Variants in C2CD2 observed in about 807,000 individuals in gnomAD.
C2CD2 encodes the protein C2 domain-containing protein 2.
C2CD2 carries 43 observed loss-of-function variants against 74.3 expected under a neutral mutation model. The ratio of observed to expected loss-of-function variants is 0.58; its 90% CI spans 0.45 to 0.75. The LOEUF is 0.75. Among genes scored for constraint, C2CD2 ranks in the 30% least tolerant of loss-of-function variants. The pLI is 0.00. For synonymous variants in C2CD2, 422 were observed against 390.7 expected (o/e 1.08, Z -0.94); for missense variants, 801 against 916.3 (o/e 0.87, Z 1.63).
intron 2 of C2CD2, among the ~76,000 whole-genome samples, chr21:41,931,380 C>T (rs1202652037): frequency 6.7e-6 from 1 of 150,012 alleles, no homozygotes; most frequent in African/African-American, 2.4e-5. Context: ...GCTCTGAAAA[C>T]CCTTGGAATC....
At chr21:41,940,529 T>C (rs1224517005) in intron 2 of C2CD2, among the ~76,000 whole-genome samples, 1 of 152,140 alleles carries the variant, frequency 6.6e-6, no homozygotes, top group East Asian at 1.9e-4. Flanking sequence ...CATACCTAAC[T>C]TGATAATAAA....
chr21:41,908,032 G>A (rs762528217), intron 8 of C2CD2: 157 of 495,624 alleles, frequency 3.2e-4, no homozygotes, highest in African/African-American at 9.9e-4. Context: ...GCCCTGTGCC[G>A]GAGTGGAAAG....
At chr21:41,931,752 T>C (rs888445277) in intron 2 of C2CD2, among the ~76,000 whole-genome samples, 1 of 150,122 alleles carries the variant, frequency 6.7e-6, no homozygotes, top group East Asian at 2.0e-4. Flanking sequence ...AAAAGGGCTG[T>C]TGGGGGGGAC....
At chr21:41,937,671 G>T (rs1276449019) in intron 2 of C2CD2, among the ~76,000 whole-genome samples, 1 of 152,142 alleles carries the variant, frequency 6.6e-6, no homozygotes, top group African/African-American at 2.4e-5. Context: ...GATACCCAGA[G>T]CATTATTCAA....
chr21:41,911,482 C>A (rs2065025376), intron 7 of C2CD2, among the ~76,000 whole-genome samples: 1 of 149,206 alleles, frequency 6.7e-6, no homozygotes, highest in African/African-American at 2.5e-5. Flanking sequence ...ACCTCTGAAT[C>A]CCAGGATCAA....
chr21:41,906,750 A>G (rs1299238360), intron 10 of C2CD2, among the ~76,000 whole-genome samples: 1 of 152,216 alleles, frequency 6.6e-6, no homozygotes, highest in Non-Finnish European at 1.5e-5. Context: ...TTCAGAATAT[A>G]CCATGGGAAT....
At chr21:41,909,401 G>T (rs1323945316) in intron 8 of C2CD2, 58 bp downstream of exon 8, 17 of 1,169,104 alleles carry the variant, frequency 1.5e-5, no homozygotes, top group Non-Finnish European at 2.2e-5. Context: ...TGAGGCCGAG[G>T]TCATGCAGCG....
chr21:41,920,487 T>C (rs1569072685), intron 3 of C2CD2, among the ~76,000 whole-genome samples: 2 of 152,322 alleles, frequency 1.3e-5, no homozygotes, highest in South Asian at 2.1e-4. Flanking sequence ...TTCTACTTCA[T>C]AACTGTCTCC....
intron 1 of C2CD2, among the ~76,000 whole-genome samples, chr21:41,951,935 A>G (rs1283264502): frequency 6.6e-6 from 1 of 152,190 alleles, no homozygotes; most frequent in Non-Finnish European, 1.5e-5. Flanking sequence ...CCTACAAAGG[A>G]CACAGATGAG....
At chr21:41,905,935 G>A in intron 10 of C2CD2, 98 bp from the exon 11 acceptor site, 1 of 748,838 alleles carries the variant, frequency 1.3e-6, no homozygotes, top group Non-Finnish European at 2.4e-6. Flanking sequence ...CAACTCTGGT[G>A]TGTGCAGTTG....
At chr21:41,941,998 T>A (rs2065358169) in intron 2 of C2CD2, 149 bp downstream of exon 2, 1 of 980,770 alleles carries the variant, frequency 1.0e-6, no homozygotes, top group Non-Finnish European at 1.5e-6. Flanking sequence ...ACTTTCTTCA[T>A]CTACCCATCA....
chr21:41,950,365 T>C (rs1464597721), intron 1 of C2CD2, among the ~76,000 whole-genome samples: 2 of 152,188 alleles, frequency 1.3e-5, no homozygotes, highest in Non-Finnish European at 2.9e-5. Context: ...AGATCAGCAA[T>C]GGTTTCCTCC....
intron 12 of C2CD2, chr21:41,901,271 G>T (rs974859731): frequency 2.9e-5 from 10 of 347,244 alleles, no homozygotes; most frequent in African/African-American, 2.1e-4. Flanking sequence ...CGTGGAAAGT[G>T]AAAGTTCCCC....
chr21:41,946,577 T>C (rs2065399429), intron 1 of C2CD2, among the ~76,000 whole-genome samples: 1 of 152,316 alleles, frequency 6.6e-6, no homozygotes, highest in African/African-American at 2.4e-5. Context: ...GAACCTGCTA[T>C]ACTTCCTGGA....
rs542443925 is a variant in C2CD2, at chr21:41,903,149, C to A, written c.1433-1400G>T. Reference sequence around the variant, plus strand: ...AGGGGCGACTCCACGGAGATCAAAGCTCCCACACTCAGGACCCTCCCAGAC... The same window carrying A: ...AGGGGCGACTCCACGGAGATCAAAGATCCCACACTCAGGACCCTCCCAGAC... On this transcript the variant is annotated intron_variant, in intron 11 of 13. Transcript: ENST00000380486. This position sits in a 1 kb window ranked among gnomAD's most constrained non-coding sequence, Gnocchi z 4.5. 6.6e-6 allele frequency among the ~76,000 whole-genome samples: 1 copy of A among 152,182 alleles called. No individual in the cohort carries two copies. Among genetic ancestry groups the A allele is most frequent in the African/African-American group, 2.4e-5 (1 of 41,444 alleles).
chr21:41,947,750 T>C (rs1210291393), intron 1 of C2CD2, among the ~76,000 whole-genome samples: 1 of 152,204 alleles, frequency 6.6e-6, no homozygotes. Context: ...GAGTGGATTT[T>C]GTTTTCTGGA....
In C2CD2 at chr21:41,945,820, C is replaced by G. The variant is rs1470870040; in HGVS notation, c.280-3575G>C. Among the ~76,000 whole-genome samples, 55 of 152,336 alleles carry G rather than the reference C, an allele frequency of 3.6e-4. No homozygotes were observed. Among genetic ancestry groups the G allele is most frequent in the Admixed American group, 3.6e-3 (55 of 15,300 alleles). On this transcript the variant is annotated intron_variant, in intron 1 of 13. Transcript: ENST00000380486. The surrounding 1 kb of genome is among the most constrained non-coding windows in gnomAD (Gnocchi z 4.2). ...AGAAGGTGACGGCTTTCCCTACCAT[C>G]ATGATTGTAAGTTTCCTGAGGCTTC...
chr21:41,944,234 C>G (rs1038761213), intron 1 of C2CD2, among the ~76,000 whole-genome samples: 1 of 152,128 alleles, frequency 6.6e-6, no homozygotes, highest in Non-Finnish European at 1.5e-5. Context: ...AGTTTGCAGC[C>G]GGGTGCCACG....
chr21:41,905,897 CCG>C (rs1361759598), intron 10 of C2CD2, 60 bp from the exon 11 acceptor site: 11 of 933,668 alleles, frequency 1.2e-5, no homozygotes, highest in Non-Finnish European at 1.8e-5. Flanking sequence ...TCAACAGTTA[CCG>C]AAAAGTGAAA....
Sources: allele counts gnomAD v4.1 joint callset (sites outside exome capture counted in the v4.1 genomes callset), GRCh38; gene constraint gnomAD v4.1.1; non-coding constraint Gnocchi (gnomAD v3.1); transcripts MANE v1.5; gene names NCBI Gene and HGNC (gene_info 2026-07-23, HGNC 2026-07-21).